Variants in UBE2E2 observed in about 807,000 individuals in gnomAD.
The protein encoded by UBE2E2 is ubiquitin conjugating enzyme E2 E2.
A neutral mutation model predicts 24.7 loss-of-function variants in UBE2E2; 6 were observed. That is an observed-to-expected ratio of 0.24 (90% CI 0.13 to 0.48). The LOEUF (loss-of-function observed/expected upper bound fraction) is 0.48. UBE2E2 is among the 20% of genes least tolerant of loss of function. The probability of loss-of-function intolerance (pLI) is 0.99; values close to 1 mark genes in which losing one functional copy is unlikely to be tolerated. For missense variants in UBE2E2, 169 were observed against 245.0 expected, an observed-to-expected ratio of 0.69 and a Z score of 2.07; for synonymous variants, 104 against 83.6, an observed-to-expected ratio of 1.24 and a Z score of -1.33.
chr3:23,513,559 G>A (rs747240005), intron 4 of UBE2E2, among the ~76,000 whole-genome samples: 13 of 151,954 alleles, frequency 8.6e-5, no homozygotes, highest in African/African-American at 9.7e-5. Context: ...AAATATATCC[G>A]TGGGATAAAT....
At chr3:23,443,059 G>C (rs1698342373) in intron 3 of UBE2E2, among the ~76,000 whole-genome samples, 2 of 152,074 alleles carry the variant, frequency 1.3e-5, no homozygotes, top group Admixed American at 1.3e-4. Flanking sequence ...TCACCTCTCT[G>C]GCCACACAGC....
intron 3 of UBE2E2, among the ~76,000 whole-genome samples, chr3:23,265,608 G>A (rs760872545): frequency 5.3e-4 from 81 of 152,256 alleles, no homozygotes; most frequent in Middle Eastern, 3.4e-3. Context: ...TGCCTCAGAG[G>A]TTCCTTATCC....
At chr3:23,566,578 G>T (rs1696078949) in intron 5 of UBE2E2, among the ~76,000 whole-genome samples, 1 of 152,180 alleles carries the variant, frequency 6.6e-6, no homozygotes, top group Non-Finnish European at 1.5e-5. Context: ...GCTTCTGGAA[G>T]GGCCTCAGGA....
At chr3:23,518,716 C>T (rs1241411015) in intron 4 of UBE2E2, among the ~76,000 whole-genome samples, 1 of 152,164 alleles carries the variant, frequency 6.6e-6, no homozygotes, top group Non-Finnish European at 1.5e-5. Flanking sequence ...CTGCTGTGTG[C>T]CTGCAGTGCC....
intron 3 of UBE2E2, among the ~76,000 whole-genome samples, chr3:23,432,785 CAG>C (rs1258834440): frequency 4.6e-5 from 7 of 151,850 alleles, no homozygotes; most frequent in Non-Finnish European, 1.0e-4. Flanking sequence ...AACAGTCACA[CAG>C]AGACTTCTTT....
intron 3 of UBE2E2, among the ~76,000 whole-genome samples, chr3:23,457,224 A>G (rs758621267): frequency 4.6e-5 from 7 of 152,206 alleles, no homozygotes; most frequent in Non-Finnish European, 1.0e-4. Context: ...CAGGGATTTT[A>G]GTATGCATTG....
At chr3:23,299,277 A>G (rs6550752) in intron 3 of UBE2E2, among the ~76,000 whole-genome samples, 127,949 of 152,126 alleles carry the variant, frequency 0.84, 53,907 homozygotes, top group African/African-American at 0.9. Flanking sequence ...TTGTGTCTCT[A>G]TTTCCTTCAG....
At chr3:23,217,985 G>A (rs1331865551) in intron 3 of UBE2E2, among the ~76,000 whole-genome samples, 2 of 152,108 alleles carry the variant, frequency 1.3e-5, no homozygotes, top group African/African-American at 4.8e-5. Context: ...GTAGTTAGAA[G>A]ATGGCTGTTT....
At chr3:23,251,660 G>T (rs915609255) in intron 3 of UBE2E2, among the ~76,000 whole-genome samples, 10 of 152,146 alleles carry the variant, frequency 6.6e-5, no homozygotes, top group Admixed American at 5.2e-4. Context: ...ATTAACTTCT[G>T]TTTAGAATTA....
rs182869908 is a variant in UBE2E2, at chr3:23,302,638, A to G, written c.227+85326A>G. ...CATCAGCTAATCATCTGTGCATTGT[A>G]TAAATGACAGAACATTTGTGATTTG... On this transcript the variant is annotated intron_variant, in intron 3 of 5. Transcript: ENST00000396703. Among the ~76,000 whole-genome samples, 245 of 152,348 alleles carry G rather than the reference A, an allele frequency of 1.6e-3. 1 individual carries two copies. Among genetic ancestry groups the G allele is most frequent in the South Asian group, 6.2e-4 (3 of 4,826 alleles).
chr3:23,223,973 C>T (rs1696739973), intron 3 of UBE2E2, among the ~76,000 whole-genome samples: 1 of 151,976 alleles, frequency 6.6e-6, no homozygotes, highest in Non-Finnish European at 1.5e-5. Flanking sequence ...TGGATTTATA[C>T]CTGAGTTCTC....
chr3:23,378,632 C>A (rs995080093), intron 3 of UBE2E2, among the ~76,000 whole-genome samples: 2 of 152,130 alleles, frequency 1.3e-5, no homozygotes, highest in Non-Finnish European at 2.9e-5. Context: ...TTTATGATCA[C>A]CTTCTAATTG....
At chr3:23,422,372 T>G (rs1416260080) in intron 3 of UBE2E2, among the ~76,000 whole-genome samples, 2 of 152,204 alleles carry the variant, frequency 1.3e-5, no homozygotes, top group Non-Finnish European at 2.9e-5. Context: ...ATGCCCCATC[T>G]GAAGGAAGAA....
At chr3:23,542,995 G>A (rs1575695955) in intron 5 of UBE2E2, among the ~76,000 whole-genome samples, 1 of 152,146 alleles carries the variant, frequency 6.6e-6, no homozygotes, top group African/African-American at 2.4e-5. Flanking sequence ...TGCTCTCCCT[G>A]CAGTAGTAAC....
At chr3:23,341,632 C>T (rs982544077) in intron 3 of UBE2E2, among the ~76,000 whole-genome samples, 11 of 152,194 alleles carry the variant, frequency 7.2e-5, no homozygotes, top group African/African-American at 2.7e-4. Flanking sequence ...GTGTCTCCCA[C>T]AGCTACTCTT....
At chr3:23,437,839 C>T (rs1012365491) in intron 3 of UBE2E2, among the ~76,000 whole-genome samples, 3 of 152,116 alleles carry the variant, frequency 2.0e-5, no homozygotes, top group African/African-American at 4.8e-5. Context: ...CATTGTGTGC[C>T]GCACACAGGA....
chr3:23,414,471 A>G (rs1356198417), intron 3 of UBE2E2, among the ~76,000 whole-genome samples: 1 of 152,216 alleles, frequency 6.6e-6, no homozygotes, highest in Non-Finnish European at 1.5e-5. Context: ...ATCCACCTCC[A>G]CAATCGAGTC....
At chr3:23,564,309 A>C (rs929304532) in intron 5 of UBE2E2, among the ~76,000 whole-genome samples, 1 of 152,164 alleles carries the variant, frequency 6.6e-6, no homozygotes, top group Non-Finnish European at 1.5e-5. Flanking sequence ...AAATGTAGCT[A>C]GTTATAGAAA....
intron 3 of UBE2E2, among the ~76,000 whole-genome samples, chr3:23,266,953 T>C (rs1195866960): frequency 6.6e-6 from 1 of 152,146 alleles, no homozygotes; most frequent in Non-Finnish European, 1.5e-5. Flanking sequence ...CCTGAATGAC[T>C]ACTGGGTACA....
Sources: allele counts gnomAD v4.1 joint callset (sites outside exome capture counted in the v4.1 genomes callset), GRCh38; gene constraint gnomAD v4.1.1; transcripts MANE v1.5; gene names NCBI Gene and HGNC (gene_info 2026-07-23, HGNC 2026-07-21).